SWT1: variants seen among roughly 807,000 people sequenced by gnomAD.
SWT1 encodes the protein SWT1 RNA endoribonuclease homolog.
Under a neutral mutation model 107.3 loss-of-function variants are expected in SWT1, and 33 were observed. The ratio of observed to expected loss-of-function variants is 0.31; its 90% CI spans 0.23 to 0.41. The LOEUF (loss-of-function observed/expected upper bound fraction) is 0.41, where lower values mean the gene tolerates loss of function less well. Among genes scored for constraint, SWT1 ranks in the 10% least tolerant of loss-of-function variants. The pLI is 1.00. For missense variants in SWT1, 898 were observed against 1,028.9 expected (o/e 0.87, Z 1.74); for synonymous variants, 345 against 348.3 (o/e 0.99, Z 0.11).
intron 5 of SWT1, chr1:185,177,030 C>T (rs1338956703): frequency 1.1e-6 from 1 of 924,716 alleles, no homozygotes. Context: ...TAAGATATTT[C>T]TTACGAAAAA....
intron 2 of SWT1, among the ~76,000 whole-genome samples, chr1:185,162,637 G>A (rs1351705179): frequency 6.6e-6 from 1 of 152,054 alleles, no homozygotes; most frequent in Admixed American, 6.6e-5. Flanking sequence ...AATTCTATCA[G>A]CTTTCTTTTT....
intron 10 of SWT1, among the ~76,000 whole-genome samples, chr1:185,199,558 G>T (rs1031502903): frequency 5.3e-5 from 8 of 152,074 alleles, no homozygotes; most frequent in Non-Finnish European, 1.2e-4. Flanking sequence ...CTTTAAGATT[G>T]TTGAATATTG....
chr1:185,176,802 G>A (rs1288557080), intron 5 of SWT1: 1 of 520,640 alleles, frequency 1.9e-6, no homozygotes, highest in Non-Finnish European at 2.5e-6. Flanking sequence ...GGCTAACACA[G>A]TGAAACATCA....
chr1:185,276,217 G>A (rs943105847), intron 17 of SWT1, among the ~76,000 whole-genome samples: 2 of 152,004 alleles, frequency 1.3e-5, no homozygotes, highest in African/African-American at 2.4e-5. Flanking sequence ...AAACCTATTA[G>A]TTTAAACATG....
At position 185,164,328 on chromosome 1, in the gene SWT1, T is replaced by G. The variant is rs139398935; in HGVS notation, c.85-2244T>G. ...AACATCATTCTTAAGGTACCTAGGA[T>G]TTTCTGAATGATAAGTAAGTATTGG... On this transcript the variant is annotated intron_variant, in intron 2 of 18. Transcript: ENST00000367500. Among the ~76,000 whole-genome samples, 402 of 152,284 alleles carry G rather than the reference T, an allele frequency of 2.6e-3. 1 individual carries two copies. The highest frequency in any genetic ancestry group is 9.2e-3 in the African/African-American group (383 of 41,562).
intron 16 of SWT1, among the ~76,000 whole-genome samples, chr1:185,270,301 T>TC (rs1225109844): frequency 8.5e-6 from 1 of 117,270 alleles, no homozygotes; most frequent in Admixed American, 8.1e-5. Flanking sequence ...TTTTTTTTTT[T>TC]TCCAAAAGAA....
chr1:185,230,193 A>G (rs574338994), intron 15 of SWT1, among the ~76,000 whole-genome samples: 2 of 152,352 alleles, frequency 1.3e-5, no homozygotes, highest in Admixed American at 6.5e-5. Context: ...CGTAGTCAAC[A>G]TTGTGAATTT....
At chr1:185,272,218 A>T (rs1663920561) in intron 17 of SWT1, among the ~76,000 whole-genome samples, 1 of 152,226 alleles carries the variant, frequency 6.6e-6, no homozygotes, top group Non-Finnish European at 1.5e-5. Context: ...AACTATAATG[A>T]GGCTTCAGTG....
At chr1:185,191,924 C>T (rs1031149072) in intron 10 of SWT1, among the ~76,000 whole-genome samples, 1 of 152,028 alleles carries the variant, frequency 6.6e-6, no homozygotes, top group Non-Finnish European at 1.5e-5. Flanking sequence ...CTGACATAGT[C>T]GTGTTCCAAG....
chr1:185,284,503 T>C (rs1423645792), intron 18 of SWT1, among the ~76,000 whole-genome samples: 1 of 152,228 alleles, frequency 6.6e-6, no homozygotes, highest in African/African-American at 2.4e-5. Flanking sequence ...AGAGTTTACT[T>C]GAGCCAGAGT....
rs752428875 is a variant in SWT1 at position 185,184,948 on chromosome 1, C to T, written c.1429+17C>T. On this transcript the variant is annotated intron_variant, in intron 9 of 18. Transcript: ENST00000367500. Reference sequence around the variant, plus strand: ...AAAAACATTGTAAGTATTGTTCTCTCAGAGTGCCTCCTGATTAATACTTGT... The same window carrying T: ...AAAAACATTGTAAGTATTGTTCTCTTAGAGTGCCTCCTGATTAATACTTGT... The T allele has an allele frequency of 4.2e-6, 6 of 1,427,724 alleles. No homozygotes were observed. In the Admixed American group the frequency reaches 1.6e-4, roughly 38 times the overall value. The allele number at this position is 1,427,724 out of a possible 1,614,324, so 88.4% of individuals were successfully genotyped here.
intron 10 of SWT1, among the ~76,000 whole-genome samples, chr1:185,192,780 T>C (rs1222520974): frequency 6.6e-6 from 1 of 151,776 alleles, no homozygotes; most frequent in Admixed American, 6.6e-5. Flanking sequence ...CCCAAGAAGC[T>C]GAGATTACAG....
intron 14 of SWT1, among the ~76,000 whole-genome samples, chr1:185,220,472 A>G (rs1389345581): frequency 6.6e-6 from 1 of 151,820 alleles, no homozygotes; most frequent in African/African-American, 2.4e-5. Context: ...CTTGGCTTCT[A>G]TTGTTATTGC....
chr1:185,164,965 A>G (rs1285143239), intron 2 of SWT1, among the ~76,000 whole-genome samples: 1 of 152,196 alleles, frequency 6.6e-6, no homozygotes, highest in Non-Finnish European at 1.5e-5. Flanking sequence ...TACCTTCCTC[A>G]GTAAGTGTAA....
chr1:185,163,476 C>A (rs942148336), intron 2 of SWT1, among the ~76,000 whole-genome samples: 1 of 151,626 alleles, frequency 6.6e-6, no homozygotes, highest in African/African-American at 2.4e-5. Context: ...CCACTGCAAC[C>A]TCTGCCTCCT....
intron 14 of SWT1, among the ~76,000 whole-genome samples, chr1:185,220,851 C>T (rs1490180892): frequency 1.3e-5 from 2 of 152,172 alleles, no homozygotes; most frequent in East Asian, 1.9e-4. Flanking sequence ...TCATTAGCAA[C>T]GCATAAGTTA....
intron 13 of SWT1, among the ~76,000 whole-genome samples, chr1:185,212,446 T>C (rs1311491361): frequency 6.6e-6 from 1 of 152,084 alleles, no homozygotes; most frequent in Non-Finnish European, 1.5e-5. Context: ...AGGAGAGAAG[T>C]GAAGATGTGA....
chr1:185,284,660 T>C (rs1182909700), intron 18 of SWT1, among the ~76,000 whole-genome samples: 4 of 152,292 alleles, frequency 2.6e-5, no homozygotes, highest in Middle Eastern at 3.4e-3. Flanking sequence ...TTGACAGATA[T>C]ATCATTGTTC....
At chr1:185,244,842 A>G (rs1346729716) in intron 16 of SWT1, among the ~76,000 whole-genome samples, 2 of 152,188 alleles carry the variant, frequency 1.3e-5, no homozygotes, top group Non-Finnish European at 2.9e-5. Context: ...GCACTTTGGG[A>G]GGCCAAGGCA....
Sources: gnomAD v4.1 joint callset for allele counts (sites outside exome capture counted in the v4.1 genomes callset) on GRCh38, gnomAD v4.1.1 for gene constraint, MANE v1.5 for transcripts, NCBI Gene and HGNC (gene_info 2026-07-23, HGNC 2026-07-21) for gene names.